The following SBF2 variants were observed in gnomAD, a reference collection of about 807,000 sequenced individuals.
SBF2 encodes SET binding factor 2, also known as myotubularin-related protein 13.
SBF2 carries 112 observed loss-of-function variants against 225.2 expected under a neutral mutation model. That is an observed-to-expected ratio of 0.50 (90% CI 0.43 to 0.58). SBF2 has a LOEUF of 0.58. Among genes scored for constraint, SBF2 ranks in the 20% least tolerant of loss-of-function variants. The probability of loss-of-function intolerance (pLI) is 0.00; values close to 1 mark genes in which losing one functional copy is unlikely to be tolerated. For missense variants in SBF2, 1,996 were observed against 2,206.2 expected (o/e 0.90, Z 1.91); for synonymous variants, 763 against 773.3 (o/e 0.99, Z 0.22).
chr11:10,067,769 T>C (rs1950685432), intron 2 of SBF2, among the ~76,000 whole-genome samples: 1 of 151,904 alleles, frequency 6.6e-6, no homozygotes, highest in Non-Finnish European at 1.5e-5. Flanking sequence ...AACTTAGCTG[T>C]CTGTGCATCC....
upstream of SBF2, among the ~76,000 whole-genome samples, chr11:10,297,448 T>G (rs983640325): frequency 1.3e-5 from 2 of 152,234 alleles, no homozygotes; most frequent in African/African-American, 4.8e-5. Context: ...GCTTTTAGTG[T>G]TATATCTAAA....
intron 1 of SBF2, among the ~76,000 whole-genome samples, chr11:10,234,417 G>T (rs752377698): frequency 9.9e-5 from 15 of 152,106 alleles, no homozygotes; most frequent in African/African-American, 1.4e-4. Context: ...TGTACATTTT[G>T]TGATAACAAT....
At chr11:9,925,724 C>A (rs1863981924) in intron 16 of SBF2, among the ~76,000 whole-genome samples, 1 of 152,184 alleles carries the variant, frequency 6.6e-6, no homozygotes, top group Non-Finnish European at 1.5e-5. Flanking sequence ...TTTTGGACTA[C>A]ATTAGACTAC....
At chr11:9,782,876 A>T (rs1461020194) in intron 38 of SBF2, among the ~76,000 whole-genome samples, 1 of 47,820 alleles carries the variant, frequency 2.1e-5, no homozygotes, top group Non-Finnish European at 5.8e-5. Context: ...TCTCAAAAGA[A>T]AAAAAAAAAA....
chr11:9,992,466 A>C lies in SBF2; in HGVS notation c.1245T>G (p.Gly415=), dbSNP rs1947480767. ...AAGGAGGACCTCTTTCTGAAACAAA[A>C]CCTGCAAATGCCATTCCACTGAGTA... ...TKVLSGMAFA[G]FVSERGPPYR... Residue 415 remains glycine (G), a synonymous_variant, in exon 12 of 40, where the codon GGT becomes GGG. Coordinates refer to ENST00000256190, the MANE Select transcript of SBF2 (RefSeq NM_030962.4). 3 of 1,613,436 alleles carry C rather than the reference A, an allele frequency of 1.9e-6. No individual in the cohort carries two copies. The South Asian group carries it at 3.3e-5, about 18-fold the overall frequency.
intron 23 of SBF2, 89 bp from the exon 24 acceptor site, chr11:9,845,829 G>T: frequency 8.1e-7 from 1 of 1,227,400 alleles, no homozygotes; most frequent in Non-Finnish European, 1.2e-6. Context: ...AACACAAAAT[G>T]GCAAGACTGG....
At position 10,133,238 on chromosome 11, in the gene SBF2, T is replaced by A. The variant is rs1334765683; in HGVS notation, c.141+60664A>T. On this transcript the variant is annotated intron_variant, in intron 2 of 39. Coordinates refer to ENST00000256190, the MANE Select transcript of SBF2 (RefSeq NM_030962.4). ...CATCAGACTCAGGAGCCCAGCTGGC[T>A]TCACCTAGTGGATCCCGCGTAGGGG... 2.7e-5 allele frequency among the ~76,000 whole-genome samples: 4 copies of A among 149,474 alleles called. 1 individual carries two copies. Among genetic ancestry groups the A allele is most frequent in the African/African-American group, 9.9e-5 (4 of 40,592 alleles).
chr11:9,995,673 A>C (rs1227113890), intron 9 of SBF2, among the ~76,000 whole-genome samples: 1 of 147,938 alleles, frequency 6.8e-6, no homozygotes, highest in African/African-American at 2.5e-5. Context: ...ATTTTGAGAC[A>C]GAGTTTTGCT....
intron 16 of SBF2, among the ~76,000 whole-genome samples, chr11:9,945,493 C>A (rs1422756454): frequency 6.6e-6 from 1 of 151,944 alleles, no homozygotes; most frequent in Non-Finnish European, 1.5e-5. Flanking sequence ...CTATAAAAAC[C>A]CTAGAAGAAA....
chr11:9,933,598 T>C (rs986585217), intron 16 of SBF2, among the ~76,000 whole-genome samples: 2 of 152,192 alleles, frequency 1.3e-5, no homozygotes, highest in Non-Finnish European at 1.5e-5. Context: ...ATAAAGATGT[T>C]TTTTGAAACT....
intron 3 of SBF2, among the ~76,000 whole-genome samples, chr11:10,037,542 G>A (rs1949488176): frequency 6.6e-6 from 1 of 151,762 alleles, no homozygotes; most frequent in South Asian, 2.1e-4. Flanking sequence ...ATTCATCACA[G>A]TTATTCATAA....
intron 17 of SBF2, among the ~76,000 whole-genome samples, chr11:9,891,245 T>A (rs1460704181): frequency 6.6e-6 from 1 of 152,218 alleles, no homozygotes; most frequent in East Asian, 1.9e-4. Flanking sequence ...CTACTGTGGT[T>A]CTATTTCTGC....
chr11:9,886,286 C>A (rs1375444649), intron 17 of SBF2, among the ~76,000 whole-genome samples: 3 of 152,208 alleles, frequency 2.0e-5, no homozygotes, highest in Non-Finnish European at 4.4e-5. Flanking sequence ...TTCACCTGAT[C>A]TTCACATGAT....
At chr11:10,194,794 A>G (rs1320793095) in intron 1 of SBF2, among the ~76,000 whole-genome samples, 1 of 152,178 alleles carries the variant, frequency 6.6e-6, no homozygotes, top group East Asian at 1.9e-4. Context: ...TACAGGTGTG[A>G]GCCACTGCAC....
chr11:10,133,568 C>T (rs1273295584), intron 2 of SBF2, among the ~76,000 whole-genome samples: 2 of 136,214 alleles, frequency 1.5e-5, no homozygotes, highest in Non-Finnish European at 3.4e-5. Context: ...CCCCATTGCC[C>T]AGGGCCAGCA....
intron 2 of SBF2, among the ~76,000 whole-genome samples, chr11:10,107,309 A>G (rs868152082): frequency 1.3e-5 from 2 of 152,358 alleles, no homozygotes; most frequent in Middle Eastern, 3.4e-3. Flanking sequence ...TATACATATA[A>G]ATGGAATACT....
At chr11:10,257,571 G>A (rs1190733978) in intron 1 of SBF2, among the ~76,000 whole-genome samples, 1 of 147,176 alleles carries the variant, frequency 6.8e-6, no homozygotes, top group Non-Finnish European at 1.5e-5. Flanking sequence ...AGGCTAAGGT[G>A]AGAAGATCAC....
intron 16 of SBF2, among the ~76,000 whole-genome samples, chr11:9,948,025 C>G (rs1865662723): frequency 6.6e-6 from 1 of 152,062 alleles, no homozygotes; most frequent in Non-Finnish European, 1.5e-5. Context: ...CAAAAGGTGA[C>G]AGCAACCCAA....
At chr11:9,989,622 C>G (rs1459258521) in intron 12 of SBF2, 27 bp from the exon 13 acceptor site, 1 of 1,335,384 alleles carries the variant, frequency 7.5e-7, no homozygotes, top group African/African-American at 1.4e-5. Context: ...AATGGCAAAA[C>G]ATCAATTCCA....
Sources: allele counts gnomAD v4.1 joint callset (sites outside exome capture counted in the v4.1 genomes callset), GRCh38; gene constraint gnomAD v4.1.1; transcripts MANE v1.5; gene names NCBI Gene and HGNC (gene_info 2026-07-23, HGNC 2026-07-21).